PHF10: variants seen among roughly 807,000 people sequenced by gnomAD.
PHF10 encodes PHD finger protein 10.
PHF10 carries 51 observed loss-of-function variants against 68.5 expected under a neutral mutation model. The observed-to-expected ratio is 0.74, with a 90% CI of 0.59 to 0.94. PHF10 has a LOEUF of 0.94. Among genes scored for constraint, PHF10 ranks in the 40% least tolerant of loss-of-function variants. The pLI, the probability that PHF10 is intolerant of heterozygous loss-of-function variation, is 0.00. For missense variants in PHF10, 460 were observed against 602.6 expected (o/e 0.76, Z 2.48); for synonymous variants, 204 against 203.5 (o/e 1.00, Z -0.02).
intron 11 of PHF10, 88 bp downstream of exon 11, chr6:169,705,045 A>G (rs762279643): frequency 8.8e-4 from 839 of 952,918 alleles, no homozygotes; most frequent in Non-Finnish European, 1.3e-3. Flanking sequence ...CAAGCTCTTC[A>G]TGTCATGATA....
rs1197808951 is a variant in PHF10, at chr6:169,710,092, AAGC to A, written c.1113+141_1113+143del. The A allele has an allele frequency of 9.2e-6, 5 of 543,486 alleles. No homozygotes were observed. In the African/African-American group the frequency reaches 9.7e-5, roughly 11 times the overall value. The allele number at this position is 543,486 out of a possible 1,614,324, so 33.7% of individuals were successfully genotyped here. A position where few individuals can be genotyped will look rare whatever the true frequency, so the allele number is the denominator to read the frequency against. ...CACCAAGGAAATAAAGCAAAAAAGA[AAGC>A]AGCGGACAAAGGGCACACCATAGAA... On this transcript the variant is annotated intron_variant, in intron 9 of 11. Transcript: ENST00000339209.
Position 169,718,937 on chromosome 6 carries a change from AT to A in PHF10, c.195-20del. 6.8e-7 allele frequency: 1 copy of A among 1,463,312 alleles called. No homozygotes were observed. Among genetic ancestry groups the A allele is most frequent in the Non-Finnish European group, 9.5e-7 (1 of 1,050,580 alleles). 90.6% of individuals were successfully genotyped at this position (1,463,312 alleles called of 1,614,324 possible). A position where few individuals can be genotyped will look rare whatever the true frequency, so the allele number is the denominator to read the frequency against. Reference sequence around the variant, plus strand: ...ACTAAAACTAAGTACAGAAATACATATTATGCATTAAATGTAGCTTTCATTA... The same window carrying A: ...ACTAAAACTAAGTACAGAAATACATATATGCATTAAATGTAGCTTTCATTA... On this transcript the variant is annotated intron_variant, in intron 2 of 11. Transcript: ENST00000339209.
Position 169,723,048 on chromosome 6 carries a change from G to A in PHF10, c.87+797C>T, listed in dbSNP as rs541025875. Among the ~76,000 whole-genome samples the A allele has an allele frequency of 3.3e-5, 5 of 152,362 alleles. No individual in the cohort carries two copies. The South Asian group carries it at 6.2e-4, about 19-fold the overall frequency. ...AAAGCTCCCAAGCAGGCGCAGCCCGGCTAGGCTGCTACAGGACGGCTTCCC... is the reference window on the plus strand; with the variant it reads ...AAAGCTCCCAAGCAGGCGCAGCCCGACTAGGCTGCTACAGGACGGCTTCCC... On this transcript the variant is annotated intron_variant, in intron 1 of 11. Transcript: ENST00000339209.
intron 8 of PHF10, among the ~76,000 whole-genome samples, chr6:169,711,944 A>G (rs1212978868): frequency 6.6e-6 from 1 of 151,826 alleles, no homozygotes; most frequent in Admixed American, 6.6e-5. Context: ...TACAAAAAAA[A>G]AAGTCATACA....
chr6:169,721,473 G>A (rs1043310634), intron 1 of PHF10, among the ~76,000 whole-genome samples: 8 of 152,156 alleles, frequency 5.3e-5, no homozygotes, highest in South Asian at 2.1e-4. Context: ...ACTTGAAGCC[G>A]GTTCATAGGA....
intron 9 of PHF10, among the ~76,000 whole-genome samples, chr6:169,706,727 TACACAC>T (rs55829134): frequency 0.093 from 11,786 of 127,126 alleles, 598 homozygotes; most frequent in East Asian, 0.26. Context: ...CATACATACA[TACACAC>T]ACACACACAC....
chr6:169,710,696 A>C (rs1192520616), intron 8 of PHF10, among the ~76,000 whole-genome samples: 1 of 152,218 alleles, frequency 6.6e-6, no homozygotes, highest in Non-Finnish European at 1.5e-5. Context: ...ATTACGGCAC[A>C]CAGCTTCAAC....
intron 11 of PHF10, 103 bp downstream of exon 11, chr6:169,705,030 G>T (rs1467084225): frequency 1.3e-5 from 10 of 793,812 alleles, no homozygotes; most frequent in Non-Finnish European, 1.8e-5. Flanking sequence ...GCACATAAGA[G>T]TCCACAAGCT....
intron 7 of PHF10, among the ~76,000 whole-genome samples, chr6:169,713,510 G>C (rs9478004): frequency 4.7e-5 from 7 of 149,870 alleles, no homozygotes; most frequent in African/African-American, 1.7e-4. Flanking sequence ...TGAAGCAGGA[G>C]AATCACTTGA....
In PHF10 at chr6:169,705,159, C is replaced by A. The variant is rs759442715; in HGVS notation, c.1385G>T (p.Cys462Phe). 1 of 1,610,170 alleles carries A rather than the reference C, an allele frequency of 6.2e-7. No individual in the cohort carries two copies. The highest frequency in any genetic ancestry group is 2.2e-5 in the East Asian group (1 of 44,832). ...DMCDRGYHTF[C>F]VGLGAIPSGR... ...TGATGGAATAGCACCAAGGCCCACA[C>A]AAAAAGTATGATAACCTCTGTCACA... The change falls in exon 11 of 12, where the codon TGT becomes TTT. Residue 462 changes from cysteine to phenylalanine, a missense_variant. Physicochemically the swap from Cys to Phe is radical, Grantham distance 205 (BLOSUM62 -2). This residue lies in a region of PHF10 where 111 missense variants were observed against 109.7 expected (regional missense o/e 1.01). Transcript: ENST00000339209.
At chr6:169,723,810 G>A (rs954705367) in intron 1 of PHF10, 35 bp downstream of exon 1, 6 of 746,342 alleles carry the variant, frequency 8.0e-6, no homozygotes, top group Non-Finnish European at 5.2e-6. Flanking sequence ...GCCCGGGACG[G>A]GGTCAGGGTC....
chr6:169,708,064 T>C (rs2128329129), intron 9 of PHF10: 1 of 152,334 alleles, frequency 6.6e-6, no homozygotes. Context: ...CTCCTATGTG[T>C]GTCTGGTTTA....
rs1789082384 is a variant in PHF10, at chr6:169,717,672, C to G, written c.409+151G>C. Reference sequence around the variant, plus strand: ...AGCTTCATTCTCCTGTGTATTTTAACAATAATCAAAAATGAAGTAAATAAT... The same window carrying G: ...AGCTTCATTCTCCTGTGTATTTTAAGAATAATCAAAAATGAAGTAAATAAT... On this transcript the variant is annotated intron_variant, in intron 4 of 11. Transcript: ENST00000339209. 7.3e-6 allele frequency: 4 copies of G among 547,846 alleles called. No homozygotes were observed. The South Asian group carries it at 8.1e-5, about 11-fold the overall frequency. The allele number at this position is 547,846 out of a possible 1,614,324, so 33.9% of individuals were successfully genotyped here.
intron 7 of PHF10, among the ~76,000 whole-genome samples, chr6:169,713,350 G>A (rs2128329984): frequency 6.6e-6 from 1 of 152,300 alleles, no homozygotes; most frequent in South Asian, 2.1e-4. Flanking sequence ...TATAATCCCA[G>A]CATTTCGGGA....
chr6:169,715,593 A>G (rs1231183234), intron 6 of PHF10, 115 bp downstream of exon 6: 4 of 919,452 alleles, frequency 4.4e-6, no homozygotes, highest in Non-Finnish European at 6.7e-6. Flanking sequence ...CAAACAAACA[A>G]AAAAAACACA....
chr6:169,712,824 G>A (rs557233201), intron 7 of PHF10, among the ~76,000 whole-genome samples: 1 of 152,228 alleles, frequency 6.6e-6, no homozygotes, highest in African/African-American at 2.4e-5. Flanking sequence ...AATGTCAGCA[G>A]CCCCAAGTCT....
intron 9 of PHF10, 45 bp from the exon 10 acceptor site, chr6:169,705,769 A>C (rs1191661183): frequency 1.1e-6 from 1 of 939,532 alleles, no homozygotes; most frequent in Admixed American, 1.7e-5. Context: ...AGAAGAGCTT[A>C]CTATGGGTTT....
intron 2 of PHF10, among the ~76,000 whole-genome samples, chr6:169,719,528 T>C (rs773782388): frequency 6.6e-6 from 1 of 152,180 alleles, no homozygotes; most frequent in Non-Finnish European, 1.5e-5. Flanking sequence ...CAATTCAACC[T>C]CTATATTGGA....
At chr6:169,717,286 T>C (rs1304313962) in intron 4 of PHF10, among the ~76,000 whole-genome samples, 4 of 152,200 alleles carry the variant, frequency 2.6e-5, no homozygotes, top group Non-Finnish European at 4.4e-5. Flanking sequence ...TACTCTGTTA[T>C]AGAATAGAGG....
Sources: gnomAD v4.1 joint callset for allele counts (sites outside exome capture counted in the v4.1 genomes callset) on GRCh38, gnomAD v4.1.1 for gene constraint, gnomAD v4.1.1 regional missense constraint, MANE v1.5 for transcripts, NCBI Gene and HGNC (gene_info 2026-07-23, HGNC 2026-07-21) for gene names.